Variants in ZCCHC8 observed in about 807,000 individuals in gnomAD.
ZCCHC8 encodes the protein zinc finger CCHC domain-containing protein 8.
ZCCHC8 carries 27 observed loss-of-function variants against 70.6 expected under a neutral mutation model. The observed-to-expected ratio is 0.38, with a 90% CI of 0.28 to 0.53. ZCCHC8 has a LOEUF of 0.53. Ranked by LOEUF, ZCCHC8 falls within the 20% of genes least tolerant of loss-of-function variation. The pLI, the probability that ZCCHC8 is intolerant of heterozygous loss-of-function variation, is 0.81. For missense variants in ZCCHC8, 737 were observed against 876.9 expected (o/e 0.84, Z 2.01); for synonymous variants, 293 against 317.4 (o/e 0.92, Z 0.82).
At chr12:122,476,132 GCCA>G (rs1383710127) in intron 13 of ZCCHC8, among the ~76,000 whole-genome samples, 1 of 152,188 alleles carries the variant, frequency 6.6e-6, no homozygotes, top group Non-Finnish European at 1.5e-5. Context: ...ATCACTGTGG[GCCA>G]CCACATTTAT....
At position 122,481,519 on chromosome 12, in the gene ZCCHC8, T is replaced by C. The variant is rs1320211875; in HGVS notation, c.1018+3A>G. On this transcript the variant is annotated splice_donor_region_variant and intron_variant, in intron 10 of 13. Coordinates refer to ENST00000633063, the MANE Select transcript of ZCCHC8 (RefSeq NM_017612.5). ...GTGACTTCTCTAACTTAAGATACTA[T>C]ACCTTTTCCATCATAGAGTGCAAGC... is the stretch of plus-strand genomic sequence containing the variant. 1 of 1,609,322 alleles carries C rather than the reference T, an allele frequency of 6.2e-7. No homozygotes were observed. The highest frequency in any genetic ancestry group is 2.2e-5 in the East Asian group (1 of 44,846).
chr12:122,489,386 A>G lies in ZCCHC8; in HGVS notation c.501T>C (p.Ser167=). 1 of 1,613,458 alleles carries G rather than the reference A, an allele frequency of 6.2e-7. No homozygotes were observed. The highest frequency in any genetic ancestry group is 8.5e-7 in the Non-Finnish European group (1 of 1,179,650). ...CAIKNNKEAF[S]VVGSVLYFTN... ...TCAAAACTGAAATGTCCAAACTTAC[A>G]CTGAAAGCTTCCTTGTTGTTTTTAA... is the stretch of plus-strand genomic sequence containing the variant. Residue 167 remains serine (S), a splice_region_variant and synonymous_variant, in exon 5 of 14, where the codon AGT becomes AGC. Coordinates refer to ENST00000633063, the MANE Select transcript of ZCCHC8 (RefSeq NM_017612.5).
chr12:122,481,628 C>T lies in ZCCHC8; in HGVS notation c.912G>A (p.Lys304=). The change falls in exon 10 of 14, where the codon AAG becomes AAA. Residue 304 remains lysine, a synonymous_variant. Transcript: ENST00000633063. The part of the protein sequence containing the change: ...ELQDALGVTD[K]SLPPFIYRMR... Reference sequence around the variant, plus strand: ...TCCGATAGATAAAAGGTGGAAGACTCTTGTCTGTCACACCTAGTGCATCTT... The same window carrying T: ...TCCGATAGATAAAAGGTGGAAGACTTTTGTCTGTCACACCTAGTGCATCTT... 1 of 1,613,834 alleles carries T rather than the reference C, an allele frequency of 6.2e-7. No homozygotes were observed. The highest frequency in any genetic ancestry group is 8.5e-7 in the Non-Finnish European group (1 of 1,179,882).
At position 122,500,647 on chromosome 12, in the gene ZCCHC8, G is replaced by A. The variant is rs1957912062; in HGVS notation, c.194C>T (p.Ala65Val). 6.4e-7 allele frequency: 1 copy of A among 1,570,304 alleles called. No homozygotes were observed. Among genetic ancestry groups the A allele is most frequent in the African/African-American group, 1.3e-5 (1 of 74,096 alleles). Residue 65 changes from alanine (A) to valine (V), a missense_variant, in exon 1 of 14, where the codon GCC (alanine) becomes GTC (valine). Physicochemically the swap from Ala to Val is moderately conservative, Grantham distance 64. Transcript: ENST00000633063. This position sits in a 1 kb window ranked among gnomAD's most constrained non-coding sequence, Gnocchi z 4.8. ...CCAGCGAGAGGAAAGGATATTCTCG[G>A]CGCGGAGCTGCTCGATGGTCTCCTC... Reference protein sequence around the residue: ...QCEETIEQLRAENQELKRKLN... With the variant: ...QCEETIEQLRVENQELKRKLN...
intron 1 of ZCCHC8, 111 bp from the exon 2 acceptor site, chr12:122,498,980 C>G: frequency 9.7e-7 from 1 of 1,028,942 alleles, no homozygotes; most frequent in Non-Finnish European, 1.5e-6. Flanking sequence ...AAAAGACCCA[C>G]GGATATTTTG....
Position 122,477,848 on chromosome 12 carries a change from G to A in ZCCHC8, c.1338C>T (p.Leu446=), listed in dbSNP as rs746324794. 28 of 1,605,678 alleles carry A rather than the reference G, an allele frequency of 1.7e-5. No homozygotes were observed. The highest frequency in any genetic ancestry group is 1.7e-4 in the Middle Eastern group (1 of 6,036). ...CCATAGGATGAAACCTACCTGAATC[G>A]AGCTCCATGTCGGCGGGAGATCCCG... The part of the protein sequence containing the change: ...NSAGSPADME[L]DSDMEVPHGS... The change falls in exon 13 of 14, where the codon CTC becomes CTT. Residue 446 remains leucine (L), a synonymous_variant. Transcript: ENST00000633063.
rs60678865 is a variant in ZCCHC8 at position 122,494,389 on chromosome 12, TA to T, written c.243-1601del. ...CAACATGGTGCAACCCCGTTTCTACTAAAAAAAAAAAAAATACAAAAATTAG... is the reference window on the plus strand; with the variant it reads ...CAACATGGTGCAACCCCGTTTCTACTAAAAAAAAAAAAATACAAAAATTAG... On this transcript the variant is annotated intron_variant, in intron 2 of 13. Coordinates refer to ENST00000633063, the MANE Select transcript of ZCCHC8 (RefSeq NM_017612.5). 9.1e-3 allele frequency among the ~76,000 whole-genome samples: 1,095 copies of T among 119,886 alleles called. 4 individuals carry two copies. Among genetic ancestry groups the T allele is most frequent in the Admixed American group, 0.024 (283 of 11,902 alleles). The allele number at this position is 119,886 out of a possible 152,430, so 78.6% of individuals were successfully genotyped here.
chr12:122,498,048 T>C (rs1436812920), intron 2 of ZCCHC8, among the ~76,000 whole-genome samples: 2 of 152,196 alleles, frequency 1.3e-5, no homozygotes, highest in African/African-American at 2.4e-5. Flanking sequence ...CACTTTATCT[T>C]TTTCAAAAGC....
chr12:122,477,562 A>G (rs1725493322), intron 13 of ZCCHC8, among the ~76,000 whole-genome samples: 2 of 149,096 alleles, frequency 1.3e-5, no homozygotes, highest in African/African-American at 2.4e-5. Flanking sequence ...AGGTGGGTGG[A>G]TCACAAGGTC....
intron 5 of ZCCHC8, among the ~76,000 whole-genome samples, chr12:122,485,224 C>T (rs917807712): frequency 6.6e-6 from 1 of 152,152 alleles, no homozygotes; most frequent in African/African-American, 2.4e-5. Flanking sequence ...AAGCGATTCT[C>T]CTGCCTCAGC....
chr12:122,476,190 G>A (rs555838313), intron 13 of ZCCHC8, among the ~76,000 whole-genome samples: 26 of 152,360 alleles, frequency 1.7e-4, no homozygotes, highest in African/African-American at 6.0e-4. Flanking sequence ...GTGACAGAGA[G>A]TGGTAACTAG....
intron 5 of ZCCHC8, among the ~76,000 whole-genome samples, chr12:122,485,194 C>T (rs925395632): frequency 1.1e-4 from 17 of 151,870 alleles, no homozygotes; most frequent in African/African-American, 2.9e-4. Flanking sequence ...CTGCAACCTC[C>T]GGTTGAACCT....
chr12:122,482,365 AATT>A, intron 8 of ZCCHC8: 1 of 426,824 alleles, frequency 2.3e-6, no homozygotes. Context: ...TACTGTTTTA[AATT>A]ATTTACTGAA....
Position 122,482,707 on chromosome 12 carries a change from A to G in ZCCHC8, c.672-12T>C, listed in dbSNP as rs1457266424. ...AGTGAGGCTTTGGCCTATTTGGTCA[A>G]AAGACAAAGATTTTTATAATGTCAA... On this transcript the variant is annotated splice_polypyrimidine_tract_variant and intron_variant, in intron 7 of 13. Coordinates refer to ENST00000633063, the MANE Select transcript of ZCCHC8 (RefSeq NM_017612.5). 1.9e-6 allele frequency: 3 copies of G among 1,596,096 alleles called. No homozygotes were observed. The highest frequency in any genetic ancestry group is 8.5e-7 in the Non-Finnish European group (1 of 1,170,072).
chr12:122,495,062 T>A (rs1428629998), intron 2 of ZCCHC8, among the ~76,000 whole-genome samples: 1 of 152,146 alleles, frequency 6.6e-6, no homozygotes. Flanking sequence ...AAATACACAT[T>A]GAAATACTTG....
At chr12:122,476,739 T>C (rs763793450) in intron 13 of ZCCHC8, among the ~76,000 whole-genome samples, 2 of 151,360 alleles carry the variant, frequency 1.3e-5, no homozygotes, top group Non-Finnish European at 3.0e-5. Flanking sequence ...ATGACAACCA[T>C]GGGCCAGGCA....
chr12:122,492,807 A>C lies in ZCCHC8; in HGVS notation c.243-18T>G, dbSNP rs891099031. ...ATATTCCACTAAAACAGAAGTTAGA[A>C]CATATTCTTAGAAGATATTTAAGTA... On this transcript the variant is annotated intron_variant, in intron 2 of 13. Coordinates refer to ENST00000633063, the MANE Select transcript of ZCCHC8 (RefSeq NM_017612.5). The C allele has an allele frequency of 1.4e-6, 2 of 1,464,680 alleles. No homozygotes were observed. The highest frequency in any genetic ancestry group is 1.9e-6 in the Non-Finnish European group (2 of 1,069,312). The allele number at this position is 1,464,680 out of a possible 1,614,324, so 90.7% of individuals were successfully genotyped here. A position where few individuals can be genotyped will look rare whatever the true frequency, so the allele number is the denominator to read the frequency against.
chr12:122,494,328 T>C (rs1005788539), intron 2 of ZCCHC8, among the ~76,000 whole-genome samples: 6 of 149,094 alleles, frequency 4.0e-5, no homozygotes, highest in South Asian at 4.2e-4. Context: ...CAGAGGCGGG[T>C]GGATCACGAG....
chr12:122,483,816 C>G lies in ZCCHC8; in HGVS notation c.502-253G>C, dbSNP rs911249517. The stretch of plus-strand genomic sequence containing the variant: ...AGCTGCATTCTCTACAGAATTCAAA[C>G]AAAAAATGAAAACCTTGACTCTCAT... On this transcript the variant is annotated intron_variant, in intron 5 of 13. Transcript: ENST00000633063. The surrounding 1 kb of genome is among the most constrained non-coding windows in gnomAD (Gnocchi z 4.4). The G allele has an allele frequency of 1.9e-5, 7 of 368,028 alleles. No individual in the cohort carries two copies. The highest frequency in any genetic ancestry group is 1.3e-4 in the African/African-American group (6 of 47,628). 22.8% of individuals were successfully genotyped at this position (368,028 alleles called of 1,614,324 possible).
Sources: allele counts gnomAD v4.1 joint callset (sites outside exome capture counted in the v4.1 genomes callset), GRCh38; gene constraint gnomAD v4.1.1; non-coding constraint Gnocchi (gnomAD v3.1); transcripts MANE v1.5; gene names NCBI Gene and HGNC (gene_info 2026-07-23, HGNC 2026-07-21).